The following MYO15A variants were observed in gnomAD, a reference collection of about 807,000 sequenced individuals.
MYO15A encodes unconventional myosin-XV.
MYO15A carries 308 observed loss-of-function variants against 394.6 expected under a neutral mutation model. The observed-to-expected ratio is 0.78, with a 90% CI of 0.71 to 0.86. The LOEUF is 0.86. Among genes scored for constraint, MYO15A ranks in the 40% least tolerant of loss-of-function variants. The pLI, the probability that MYO15A is intolerant of heterozygous loss-of-function variation, is 0.00. For synonymous variants in MYO15A, 1,957 were observed against 2,003.8 expected (o/e 0.98, Z 0.62); for missense variants, 4,606 against 4,799.1 (o/e 0.96, Z 1.19).
chr17:18,130,821 T>TGTGG lies in MYO15A; in HGVS notation c.4038+14_4038+15insGGTG, dbSNP rs2046144214. On this transcript the variant is annotated intron_variant, in intron 8 of 65. Coordinates refer to ENST00000647165, the MANE Select transcript of MYO15A (RefSeq NM_016239.4). Reference sequence around the variant, plus strand: ...CTCTTGAAGATAAAGGTACTCAGTGTGTGTGTGTGTGTGTGTGTGTGTGTG... The same window carrying TGTGG: ...CTCTTGAAGATAAAGGTACTCAGTGTGTGGGTGTGTGTGTGTGTGTGTGTGTGTG... 2 of 759,654 alleles carry TGTGG rather than the reference T, an allele frequency of 2.6e-6. No homozygotes were observed. Among genetic ancestry groups the TGTGG allele is most frequent in the Non-Finnish European group, 3.6e-6 (2 of 555,400 alleles). 47.1% of individuals were successfully genotyped at this position (759,654 alleles called of 1,614,324 possible). A position where few individuals can be genotyped will look rare whatever the true frequency, so the allele number is the denominator to read the frequency against.
intron 50 of MYO15A, 147 bp downstream of exon 50, chr17:18,157,377 T>A (rs1304336531): frequency 1.7e-6 from 2 of 1,175,236 alleles, no homozygotes; most frequent in Non-Finnish European, 2.5e-6. Context: ...CCTGTCAGTA[T>A]CTGTTGGTGG....
intron 40 of MYO15A, 39 bp downstream of exon 40, chr17:18,151,566 ACTGTAC>A: frequency 1.2e-6 from 2 of 1,611,846 alleles, no homozygotes; most frequent in Non-Finnish European, 1.7e-6. Context: ...CAGCCCCCTC[ACTGTAC>A]CTGAGTGTCC....
In MYO15A at chr17:18,150,652, G is replaced by T. The variant is rs186118228; in HGVS notation, c.7328-46G>T. ...TGATGGGGGCTGAGAGGACAGGGAG[G>T]AGGGCATCTCCGGTGCCATCTGTGC... On this transcript the variant is annotated intron_variant, in intron 36 of 65. Coordinates refer to ENST00000647165, the MANE Select transcript of MYO15A (RefSeq NM_016239.4). This position sits in a 1 kb window ranked among gnomAD's most constrained non-coding sequence, Gnocchi z 4.4. 1.3e-6 allele frequency: 2 copies of T among 1,598,046 alleles called. No individual in the cohort carries two copies. The highest frequency in any genetic ancestry group is 2.7e-5 in the African/African-American group (2 of 74,404).
At chr17:18,163,117 G>A (rs942967229) in intron 58 of MYO15A, 127 bp from the exon 59 acceptor site, 4 of 977,474 alleles carry the variant, frequency 4.1e-6, no homozygotes, top group South Asian at 2.6e-5. Flanking sequence ...CGCGGTCCAG[G>A]TGCTCAAGTG....
rs1238610333 is a variant in MYO15A, at chr17:18,151,611, AGC to A, written c.7787+87_7787+88del. ...ATGGCCCACCAGCTTACTGGGTTGA[AGC>A]GCCCTGCCCAGCTCCTGTTAGGGAG... On this transcript the variant is annotated intron_variant, in intron 40 of 65. Transcript: ENST00000647165. The A allele has an allele frequency of 1.2e-5, 18 of 1,559,506 alleles. No individual in the cohort carries two copies. The Admixed American group carries it at 2.7e-4, about 23-fold the overall frequency.
chr17:18,130,817 A>AGAGTGT lies in MYO15A; in HGVS notation c.4038+8_4038+9insAGTGTG. 4.2e-6 allele frequency: 5 copies of AGAGTGT among 1,191,060 alleles called. No homozygotes were observed. Among genetic ancestry groups the AGAGTGT allele is most frequent in the Middle Eastern group, 2.4e-4 (1 of 4,148 alleles). 73.8% of individuals were successfully genotyped at this position (1,191,060 alleles called of 1,614,324 possible). ...GACGCTCTTGAAGATAAAGGTACTC[A>AGAGTGT]GTGTGTGTGTGTGTGTGTGTGTGTG... On this transcript the variant is annotated splice_region_variant and intron_variant, in intron 8 of 65. Coordinates refer to ENST00000647165, the MANE Select transcript of MYO15A (RefSeq NM_016239.4).
At chr17:18,166,108 G>T (rs1230432638) in intron 60 of MYO15A, among the ~76,000 whole-genome samples, 2 of 152,254 alleles carry the variant, frequency 1.3e-5, no homozygotes, top group East Asian at 1.9e-4. Context: ...GAGAAATGGA[G>T]CATTACTTAA....
At chr17:18,118,347 G>T (rs1286166845) in intron 1 of MYO15A, among the ~76,000 whole-genome samples, 2 of 152,214 alleles carry the variant, frequency 1.3e-5, no homozygotes, top group Non-Finnish European at 2.9e-5. Flanking sequence ...TGGTGATTTA[G>T]GGCAGGTGGC....
At chr17:18,152,214 G>A in intron 42 of MYO15A, 30 bp downstream of exon 42, 1 of 1,540,946 alleles carries the variant, frequency 6.5e-7, no homozygotes, top group Non-Finnish European at 8.7e-7. Flanking sequence ...GGGAGGGGAG[G>A]GTGTCCAAGT....
In MYO15A at chr17:18,157,889, C is replaced by T. The variant is rs942165582; in HGVS notation, c.8956C>T (p.Arg2986Cys). ...TGCAGCCGCTGCACAGGAGGTGGGC[C>T]GCAGGAGAGAGGTGAGACCAGTGTG... Reference protein sequence around the residue: ...ASAAAAQEVGRRREGPPVRAR... With the variant: ...ASAAAAQEVGCRREGPPVRAR... Residue 2986 changes from arginine (R) to cysteine (C), a missense_variant, in exon 51 of 66, where the codon CGC becomes TGC. Arg to Cys is a radical substitution (Grantham distance 180). Transcript: ENST00000647165. 2.4e-6 allele frequency: 3 copies of T among 1,228,982 alleles called. No homozygotes were observed. Among genetic ancestry groups the T allele is most frequent in the African/African-American group, 1.7e-5 (1 of 57,712 alleles). 76.1% of individuals were successfully genotyped at this position (1,228,982 alleles called of 1,614,324 possible). A position where few individuals can be genotyped will look rare whatever the true frequency, so the allele number is the denominator to read the frequency against.
At chr17:18,164,832 C>CAAAAAAAAAAA (rs368989213) in intron 60 of MYO15A, 1 of 84,334 alleles carries the variant, frequency 1.2e-5, no homozygotes, top group Non-Finnish European at 2.1e-5. Context: ...ACTCTATCTG[C>CAAAAAAAAAAA]AAAAAAAAAA....
At chr17:18,163,865 T>C in intron 60 of MYO15A, 27 bp downstream of exon 60, 1 of 1,606,810 alleles carries the variant, frequency 6.2e-7, no homozygotes, top group Non-Finnish European at 8.5e-7. Context: ...CTGAGCATGC[T>C]GGGCCCATTC....
At chr17:18,126,731 A>G (rs992570612) in intron 5 of MYO15A, 60 bp from the exon 6 acceptor site, 14 of 1,564,016 alleles carry the variant, frequency 9.0e-6, no homozygotes, top group African/African-American at 6.8e-5. Flanking sequence ...TCCCTGCCCA[A>G]TCCCTGGGAG....
chr17:18,139,634 C>G, intron 19 of MYO15A, 23 bp downstream of exon 19: 1 of 1,612,680 alleles, frequency 6.2e-7, no homozygotes, highest in Non-Finnish European at 8.5e-7. Flanking sequence ...TCCCACCGCT[C>G]TGGCCCTGCC....
At position 18,120,627 on chromosome 17, in the gene MYO15A, C is replaced by G; in HGVS notation, c.1827C>G (p.Arg609=). 6.3e-7 allele frequency: 1 copy of G among 1,597,444 alleles called. No individual in the cohort carries two copies. Among genetic ancestry groups the G allele is most frequent in the East Asian group, 2.3e-5 (1 of 44,330 alleles). The change falls in exon 2 of 66, where the codon CGC becomes CGG. Residue 609 remains arginine (R), a synonymous_variant. Coordinates refer to ENST00000647165, the MANE Select transcript of MYO15A (RefSeq NM_016239.4). ...GPAVREAAYK[R]FGYKLAGMDP... The stretch of plus-strand genomic sequence containing the variant: ...CTGTCAGGGAGGCGGCCTACAAACG[C>G]TTCGGCTACAAGCTGGCTGGCATGG...
chr17:18,120,872 C>T lies in MYO15A; in HGVS notation c.2072C>T (p.Ala691Val). Residue 691 changes from alanine (A) to valine (V), a missense_variant, in exon 2 of 66, where the codon GCC becomes GTC. Transcript: ENST00000647165. ...GCGCTCTCGGGCCTGCCCCGGCCGG[C>T]CTCGCCCTACGGCTCCCTCCGCCGC... ...SPALSGLPRP[A>V]SPYGSLRRHP... 1.5e-6 allele frequency: 2 copies of T among 1,297,636 alleles called. No individual in the cohort carries two copies. The highest frequency in any genetic ancestry group is 1.8e-5 in the South Asian group (1 of 56,236). 80.4% of individuals were successfully genotyped at this position (1,297,636 alleles called of 1,614,324 possible).
chr17:18,149,003 G>A, intron 33 of MYO15A, 51 bp downstream of exon 33: 1 of 1,546,030 alleles, frequency 6.5e-7, no homozygotes, highest in Non-Finnish European at 8.7e-7. Flanking sequence ...CAGGCAGAAG[G>A]CCGGCCACTC....
chr17:18,148,247 G>T lies in MYO15A; in HGVS notation c.6691+37G>T. 6.2e-7 allele frequency: 1 copy of T among 1,611,690 alleles called. No individual in the cohort carries two copies. Among genetic ancestry groups the T allele is most frequent in the South Asian group, 1.1e-5 (1 of 90,890 alleles). On this transcript the variant is annotated intron_variant, in intron 31 of 65. Coordinates refer to ENST00000647165, the MANE Select transcript of MYO15A (RefSeq NM_016239.4). The surrounding 1 kb of genome is among the most constrained non-coding windows in gnomAD (Gnocchi z 4.8). Reference sequence around the variant, plus strand: ...TCCCCCACCTCAGTGAGGGCAGTGGGAGTCAGCAGGGCCCAGTGAGCCCCG... The same window carrying T: ...TCCCCCACCTCAGTGAGGGCAGTGGTAGTCAGCAGGGCCCAGTGAGCCCCG...
rs1281016633 is a variant in MYO15A at position 18,138,237 on chromosome 17, C to G, written c.4998C>G (p.Cys1666Trp). 5 of 1,612,894 alleles carry G rather than the reference C, an allele frequency of 3.1e-6. 1 individual carries two copies. In the South Asian group the frequency reaches 5.5e-5, roughly 18 times the overall value. The change falls in exon 17 of 66, where the codon TGC becomes TGG. Residue 1666 changes from cysteine (C) to tryptophan (W), a missense_variant. Physicochemically the swap from Cys to Trp is radical, Grantham distance 215. Coordinates refer to ENST00000647165, the MANE Select transcript of MYO15A (RefSeq NM_016239.4). ...GILRILDDQC[C>W]FPQATDHTFL... Reference sequence around the variant, plus strand: ...TGCGGATCCTTGACGACCAGTGTTGCTTTCCCCAGGTGAGCCGCAGGCACT... The same window carrying G: ...TGCGGATCCTTGACGACCAGTGTTGGTTTCCCCAGGTGAGCCGCAGGCACT...
Sources: gnomAD v4.1 joint callset for allele counts (sites outside exome capture counted in the v4.1 genomes callset) on GRCh38, gnomAD v4.1.1 for gene constraint, Gnocchi (gnomAD v3.1) non-coding constraint, MANE v1.5 for transcripts, NCBI Gene and HGNC (gene_info 2026-07-23, HGNC 2026-07-21) for gene names.